The following KCNMB2 variants were observed in gnomAD, a reference collection of about 807,000 sequenced individuals.
KCNMB2 encodes potassium calcium-activated channel subfamily M regulatory beta subunit 2.
Under a neutral mutation model 24.5 loss-of-function variants are expected in KCNMB2, and 9 were observed. That is an observed-to-expected ratio of 0.37 (90% CI 0.22 to 0.64). The LOEUF (loss-of-function observed/expected upper bound fraction) is 0.64, where lower values mean the gene tolerates loss of function less well. KCNMB2 is among the 30% of genes least tolerant of loss of function. The probability of loss-of-function intolerance (pLI) is 0.63; values close to 1 mark genes in which losing one functional copy is unlikely to be tolerated. For missense variants in KCNMB2, 226 were observed against 284.3 expected, an observed-to-expected ratio of 0.79 and a Z score of 1.47; for synonymous variants, 109 against 104.4, an observed-to-expected ratio of 1.04 and a Z score of -0.27.
chr3:178,680,748 AT>A (rs1373139392), intron 1 of KCNMB2, among the ~76,000 whole-genome samples: 16 of 152,092 alleles, frequency 1.1e-4, no homozygotes, highest in Non-Finnish European at 1.5e-4. Context: ...AGTGTGACTC[AT>A]TTTCTAAATT....
At position 178,843,442 on chromosome 3, in the gene KCNMB2, T is replaced by A. The variant is rs1231680562; in HGVS notation, c.*505T>A. Reference sequence around the variant, plus strand: ...AGTTAGGTACTTTTCTTGTATTTTTTACCATATCACTGTAAAGAAGAGGGG... The same window carrying A: ...AGTTAGGTACTTTTCTTGTATTTTTAACCATATCACTGTAAAGAAGAGGGG... On this transcript the variant is annotated 3_prime_UTR_variant, in exon 5 of 5. Coordinates refer to ENST00000452583, the MANE Select transcript of KCNMB2 (RefSeq NM_181361.3). The A allele has an allele frequency of 4.8e-6, 1 of 207,520 alleles. No individual in the cohort carries two copies. The highest frequency in any genetic ancestry group is 2.4e-5 in the African/African-American group (1 of 42,186). The allele number at this position is 207,520 out of a possible 1,614,324, so 12.9% of individuals were successfully genotyped here.
At chr3:178,675,383 A>G (rs1157496968) in intron 1 of KCNMB2, among the ~76,000 whole-genome samples, 2 of 152,096 alleles carry the variant, frequency 1.3e-5, no homozygotes, top group African/African-American at 4.8e-5. Flanking sequence ...CGTGTTTCTG[A>G]GGGCATTTCA....
intron 1 of KCNMB2, among the ~76,000 whole-genome samples, chr3:178,700,911 G>T (rs925929959): frequency 6.6e-6 from 1 of 152,176 alleles, no homozygotes; most frequent in Non-Finnish European, 1.5e-5. Flanking sequence ...TAGGTTGCCT[G>T]TTCACTCTGA....
intron 1 of KCNMB2, among the ~76,000 whole-genome samples, chr3:178,641,762 T>G (rs1458102842): frequency 6.6e-6 from 1 of 152,158 alleles, no homozygotes; most frequent in Non-Finnish European, 1.5e-5. Context: ...AATGTTCTCT[T>G]TCTCTTTAAC....
chr3:178,664,634 C>G (rs1720653217), intron 1 of KCNMB2, among the ~76,000 whole-genome samples: 1 of 151,898 alleles, frequency 6.6e-6, no homozygotes, highest in African/African-American at 2.4e-5. Context: ...CTGAAAGATT[C>G]ATTTTTTTCT....
intron 1 of KCNMB2, among the ~76,000 whole-genome samples, chr3:178,759,741 C>A (rs1375628446): frequency 1.7e-4 from 4 of 23,852 alleles, no homozygotes; most frequent in African/African-American, 4.8e-4. Flanking sequence ...TATATATATC[C>A]AAGAGGATAT....
intron 1 of KCNMB2, among the ~76,000 whole-genome samples, chr3:178,643,866 C>G (rs1217367114): frequency 6.6e-6 from 1 of 152,236 alleles, no homozygotes; most frequent in African/African-American, 2.4e-5. Flanking sequence ...AACGCCAACT[C>G]TGTCTTCAAT....
intron 1 of KCNMB2, among the ~76,000 whole-genome samples, chr3:178,601,135 G>A (rs1311662224): frequency 1.4e-5 from 2 of 142,306 alleles, no homozygotes; most frequent in Non-Finnish European, 3.1e-5. Context: ...AAATGTGGGA[G>A]TTGAACAATG....
At chr3:178,729,659 A>G (rs1723079927) in intron 1 of KCNMB2, among the ~76,000 whole-genome samples, 1 of 152,218 alleles carries the variant, frequency 6.6e-6, no homozygotes, top group East Asian at 1.9e-4. Context: ...CACATTGGGC[A>G]GATTGCAATT....
intron 1 of KCNMB2, among the ~76,000 whole-genome samples, chr3:178,778,743 G>A (rs1018843305): frequency 6.6e-6 from 1 of 152,128 alleles, no homozygotes; most frequent in African/African-American, 2.4e-5. Flanking sequence ...CCTCCCTGTA[G>A]CACCAACACC....
At chr3:178,573,966 A>G (rs528205312) in intron 1 of KCNMB2, among the ~76,000 whole-genome samples, 2 of 152,298 alleles carry the variant, frequency 1.3e-5, no homozygotes, top group South Asian at 4.1e-4. Context: ...GGAAATAAAG[A>G]AACTTCACAG....
intron 1 of KCNMB2, among the ~76,000 whole-genome samples, chr3:178,585,799 T>C (rs1203008690): frequency 6.6e-6 from 1 of 152,194 alleles, no homozygotes; most frequent in Non-Finnish European, 1.5e-5. Context: ...TTACAACATG[T>C]ATAAACTGTT....
At chr3:178,675,475 C>T (rs1315793778) in intron 1 of KCNMB2, among the ~76,000 whole-genome samples, 4 of 152,170 alleles carry the variant, frequency 2.6e-5, no homozygotes, top group African/African-American at 9.7e-5. Flanking sequence ...GTCAGAACTG[C>T]TGACACACCT....
At chr3:178,641,456 A>T (rs551785770) in intron 1 of KCNMB2, among the ~76,000 whole-genome samples, 49 of 152,136 alleles carry the variant, frequency 3.2e-4, no homozygotes, top group South Asian at 2.1e-3. Context: ...TATTTTTTTT[A>T]AATTTCAAAT....
In KCNMB2 at chr3:178,757,737, GATATATATATATAAGAGGATAT is replaced by G. The variant is rs1425917113; in HGVS notation, c.-67-49595_-67-49574del. 1.5e-3 allele frequency among the ~76,000 whole-genome samples: 98 copies of G among 67,360 alleles called. 8 individuals carry two copies. The highest frequency in any genetic ancestry group is 5.6e-3 in the African/African-American group (94 of 16,696). The allele number at this position is 67,360 out of a possible 152,430, so 44.2% of individuals were successfully genotyped here. A position where few individuals can be genotyped will look rare whatever the true frequency, so the allele number is the denominator to read the frequency against. On this transcript the variant is annotated intron_variant, in intron 1 of 4. Coordinates refer to ENST00000452583, the MANE Select transcript of KCNMB2 (RefSeq NM_181361.3). ...ATATATATGTATATATATCCAAGAG[GATATATATATATAAGAGGATAT>G]ATATATATATCCAAGAGGATATATA... is the stretch of plus-strand genomic sequence containing the variant.
Position 178,815,762 on chromosome 3 carries a change from G to A in KCNMB2, c.56+8297G>A, listed in dbSNP as rs142264951. On this transcript the variant is annotated intron_variant, in intron 2 of 4. Transcript: ENST00000452583. ...ATGAATGTTAAATTTTGTCAAATATGTTTATCTACATTTATTACATTATTA... is the reference window on the plus strand; with the variant it reads ...ATGAATGTTAAATTTTGTCAAATATATTTATCTACATTTATTACATTATTA... 3.8e-3 allele frequency among the ~76,000 whole-genome samples: 570 copies of A among 151,796 alleles called. 10 individuals are homozygous for A. The highest frequency in any genetic ancestry group is 0.015 in the East Asian group (79 of 5,178).
intron 1 of KCNMB2, among the ~76,000 whole-genome samples, chr3:178,686,848 T>C (rs1721489406): frequency 1.3e-5 from 2 of 152,102 alleles, no homozygotes; most frequent in East Asian, 3.9e-4. Flanking sequence ...CTCTACTTAA[T>C]TCAGGAAACC....
intron 1 of KCNMB2, among the ~76,000 whole-genome samples, chr3:178,664,620 G>A (rs1466941367): frequency 6.6e-6 from 1 of 151,990 alleles, no homozygotes; most frequent in Admixed American, 6.6e-5. Flanking sequence ...AGGCATCCCT[G>A]TATCTGAAAG....
At chr3:178,689,591 G>T (rs887764862) in intron 1 of KCNMB2, among the ~76,000 whole-genome samples, 1 of 152,120 alleles carries the variant, frequency 6.6e-6, no homozygotes, top group African/African-American at 2.4e-5. Context: ...AGCTGAAATT[G>T]CACCACTGCA....
Sources: allele counts gnomAD v4.1 joint callset (sites outside exome capture counted in the v4.1 genomes callset), GRCh38; gene constraint gnomAD v4.1.1; transcripts MANE v1.5; gene names NCBI Gene and HGNC (gene_info 2026-07-23, HGNC 2026-07-21).